The following USP12 variants were observed in gnomAD, a reference collection of about 807,000 sequenced individuals.
USP12 encodes the protein ubiquitin specific peptidase 12, also known as ubiquitin carboxyl-terminal hydrolase 12.
USP12 carries 19 observed loss-of-function variants against 45.5 expected under a neutral mutation model. That is an observed-to-expected ratio of 0.42 (90% CI 0.29 to 0.61). The LOEUF (loss-of-function observed/expected upper bound fraction) is 0.61, where lower values mean the gene tolerates loss of function less well. Ranked by LOEUF, USP12 falls within the 20% of genes least tolerant of loss-of-function variation. The pLI is 0.22. For missense variants in USP12, 242 were observed against 447.7 expected (o/e 0.54, Z 4.15); for synonymous variants, 149 against 148.8 (o/e 1.00, Z -0.01).
chr13:27,098,283 A>G (rs569504375), intron 3 of USP12, among the ~76,000 whole-genome samples: 1 of 152,294 alleles, frequency 6.6e-6, no homozygotes, highest in South Asian at 2.1e-4. Flanking sequence ...CAAAGTCAAC[A>G]TAAATGAAGA....
rs1875749222 is a variant in USP12, at chr13:27,116,513, T to C, written c.129+3A>G. Reference sequence around the variant, plus strand: ...TTCTAAAAGCGTATCAATGGATACTTACATTGACTAATCCAAAATAGTGCT... The same window carrying C: ...TTCTAAAAGCGTATCAATGGATACTCACATTGACTAATCCAAAATAGTGCT... On this transcript the variant is annotated splice_donor_region_variant and intron_variant, in intron 2 of 8. Transcript: ENST00000282344. The C allele has an allele frequency of 3.1e-6, 5 of 1,613,340 alleles. No homozygotes were observed. The highest frequency in any genetic ancestry group is 4.2e-6 in the Non-Finnish European group (5 of 1,179,630).
intron 1 of USP12, among the ~76,000 whole-genome samples, chr13:27,119,334 C>G (rs1433680392): frequency 6.6e-6 from 1 of 152,188 alleles, no homozygotes; most frequent in African/African-American, 2.4e-5. Flanking sequence ...CTGTACTCCC[C>G]CACACGGCCT....
chr13:27,081,536 G>A (rs1053433618), intron 6 of USP12, among the ~76,000 whole-genome samples: 1 of 152,168 alleles, frequency 6.6e-6, no homozygotes, highest in Non-Finnish European at 1.5e-5. Flanking sequence ...ATGAGGGTTG[G>A]AATGAACTTC....
At chr13:27,156,842 G>C (rs1240784289) in intron 1 of USP12, among the ~76,000 whole-genome samples, 4 of 146,924 alleles carry the variant, frequency 2.7e-5, no homozygotes, top group Non-Finnish European at 4.4e-5. Context: ...AAGAGAGAGA[G>C]AGAAAAAATG....
At chr13:27,148,815 A>ACACACACACACACACACACACAC (rs1232624646) in intron 1 of USP12, among the ~76,000 whole-genome samples, 17 of 12,608 alleles carry the variant, frequency 1.3e-3, no homozygotes, top group Middle Eastern at 0.062. Flanking sequence ...CACACACACA[A>ACACACACACACACACACACACAC]AAATCAGGTG....
chr13:27,144,635 G>A (rs1281145851), intron 1 of USP12, among the ~76,000 whole-genome samples: 3 of 151,088 alleles, frequency 2.0e-5, no homozygotes, highest in Non-Finnish European at 4.4e-5. Context: ...TAATAAAAGA[G>A]ACTAAAGAGA....
At chr13:27,097,541 G>A (rs939051978) in intron 3 of USP12, among the ~76,000 whole-genome samples, 1 of 152,132 alleles carries the variant, frequency 6.6e-6, no homozygotes, top group Non-Finnish European at 1.5e-5. Flanking sequence ...AATGAGTGAA[G>A]CTTTTTATGG....
intron 1 of USP12, among the ~76,000 whole-genome samples, chr13:27,164,737 C>G (rs939441980): frequency 6.6e-6 from 1 of 152,154 alleles, no homozygotes; most frequent in African/African-American, 2.4e-5. Context: ...GCAAGTGTAA[C>G]TCTTCATAAT....
At chr13:27,120,709 G>T (rs1875944667) in intron 1 of USP12, among the ~76,000 whole-genome samples, 1 of 151,930 alleles carries the variant, frequency 6.6e-6, no homozygotes, top group Admixed American at 6.6e-5. Flanking sequence ...TACACAAATG[G>T]AAGAAGACAT....
chr13:27,078,980 G>C (rs191823318), intron 6 of USP12, among the ~76,000 whole-genome samples: 1 of 150,576 alleles, frequency 6.6e-6, no homozygotes, highest in Non-Finnish European at 1.5e-5. Context: ...TGAAATCAGA[G>C]TATGTCCTCT....
Position 27,116,448 on chromosome 13 carries a change from G to A in USP12, c.129+68C>T. The A allele has an allele frequency of 2.1e-6, 3 of 1,400,092 alleles. No homozygotes were observed. The Middle Eastern group carries it at 5.4e-4, about 252-fold the overall frequency. The allele number at this position is 1,400,092 out of a possible 1,614,324, so 86.7% of individuals were successfully genotyped here. ...GAACAATTTTCCTTTAATAACTTAT[G>A]GAATGCATTCATCGTTTTTAAAACT... On this transcript the variant is annotated intron_variant, in intron 2 of 8. Coordinates refer to ENST00000282344, the MANE Select transcript of USP12 (RefSeq NM_182488.4).
At chr13:27,170,723 C>T (rs1878554582) in intron 1 of USP12, among the ~76,000 whole-genome samples, 1 of 152,202 alleles carries the variant, frequency 6.6e-6, no homozygotes, top group African/African-American at 2.4e-5. Flanking sequence ...CCTTGGCAGG[C>T]GGTCCCCGCA....
At chr13:27,128,457 T>G (rs1876344224) in intron 1 of USP12, among the ~76,000 whole-genome samples, 1 of 152,136 alleles carries the variant, frequency 6.6e-6, no homozygotes, top group Non-Finnish European at 1.5e-5. Context: ...AAAAAATTAA[T>G]AAAATACTCT....
At position 27,067,603 on chromosome 13, in the gene USP12, A is replaced by G. The variant is rs1873056196; in HGVS notation, c.*1680T>C. The G allele has an allele frequency of 6.6e-6, 1 of 152,214 alleles. No homozygotes were observed. The highest frequency in any genetic ancestry group is 1.5e-5 in the Non-Finnish European group (1 of 68,048). 9.4% of individuals were successfully genotyped at this position (152,214 alleles called of 1,614,324 possible). On this transcript the variant is annotated 3_prime_UTR_variant, in exon 9 of 9. Transcript: ENST00000282344. ...GACTCTGTTAAAGGTCTGCTTATGG[A>G]AAAAATAGGTGAAGTCATTTCCTGA...
intron 3 of USP12, among the ~76,000 whole-genome samples, chr13:27,097,422 G>A (rs532165466): frequency 3.3e-5 from 5 of 152,270 alleles, no homozygotes; most frequent in South Asian, 4.1e-4. Context: ...CCGAGATTGC[G>A]CCATTGCACT....
chr13:27,123,290 T>C (rs1165486023), intron 1 of USP12, among the ~76,000 whole-genome samples: 2 of 152,170 alleles, frequency 1.3e-5, no homozygotes, highest in African/African-American at 2.4e-5. Context: ...TTTCCTCAGA[T>C]GTAAAACTTC....
intron 7 of USP12, among the ~76,000 whole-genome samples, chr13:27,074,280 G>C (rs1368299339): frequency 6.6e-6 from 1 of 152,052 alleles, no homozygotes; most frequent in East Asian, 1.9e-4. Flanking sequence ...GGTGCCTGTA[G>C]TCTCAGCTAC....
At chr13:27,096,795 T>C (rs1359754915) in intron 3 of USP12, among the ~76,000 whole-genome samples, 1 of 152,138 alleles carries the variant, frequency 6.6e-6, no homozygotes, top group African/African-American at 2.4e-5. Flanking sequence ...AAATTACCTA[T>C]TTAGGACATT....
intron 4 of USP12, among the ~76,000 whole-genome samples, chr13:27,091,399 T>C (rs919559676): frequency 3.9e-5 from 6 of 152,236 alleles, no homozygotes; most frequent in Admixed American, 1.3e-4. Context: ...GTTCCTTTTA[T>C]GATCATGTAA....
Sources: allele counts gnomAD v4.1 joint callset (sites outside exome capture counted in the v4.1 genomes callset), GRCh38; gene constraint gnomAD v4.1.1; transcripts MANE v1.5; gene names NCBI Gene and HGNC (gene_info 2026-07-23, HGNC 2026-07-21).